ITGB2: variants seen among roughly 807,000 people sequenced by gnomAD.
ITGB2 encodes the protein integrin subunit beta 2.
A neutral mutation model predicts 86.8 loss-of-function variants in ITGB2; 56 were observed. That is an observed-to-expected ratio of 0.65 (90% CI 0.52 to 0.81). ITGB2 has a LOEUF of 0.81. Among genes scored for constraint, ITGB2 ranks in the 30% least tolerant of loss-of-function variants. The pLI, the probability that ITGB2 is intolerant of heterozygous loss-of-function variation, is 0.00. For synonymous variants in ITGB2, 457 were observed against 450.4 expected (o/e 1.01, Z -0.19); for missense variants, 948 against 1,061.2 (o/e 0.89, Z 1.48).
chr21:44,917,617 G>A (rs2084230888), intron 1 of ITGB2, among the ~76,000 whole-genome samples: 1 of 152,110 alleles, frequency 6.6e-6, no homozygotes, highest in Non-Finnish European at 1.5e-5. Flanking sequence ...ACCCATCCAT[G>A]GGACAGGGGC....
intron 11 of ITGB2, among the ~76,000 whole-genome samples, chr21:44,890,920 G>A (rs991750720): frequency 6.6e-5 from 10 of 151,902 alleles, no homozygotes; most frequent in East Asian, 3.9e-4. Context: ...GACAGTGGGC[G>A]GGGTGGCCAC....
chr21:44,918,825 T>A (rs538353437), intron 1 of ITGB2, among the ~76,000 whole-genome samples: 2 of 152,260 alleles, frequency 1.3e-5, no homozygotes, highest in African/African-American at 4.8e-5. Flanking sequence ...CTGGGCAGTG[T>A]TTGGATCTCA....
rs137959302 is a variant in ITGB2, at chr21:44,900,364, G to T, written c.853C>A (p.Arg285Ser). ...LGAILTPNDG[R>S]CHLEDNLYKR... ...TACAAGTTGTCCTCCAGGTGACAGC[G>T]GCCGTCGTTGGGGGTCAGGATGGCG... is the stretch of plus-strand genomic sequence containing the variant. The change falls in exon 7 of 16, where the codon CGC (arginine) becomes AGC (serine). Residue 285 changes from arginine to serine, a missense_variant. Physicochemically the swap from Arg to Ser is moderately radical, Grantham distance 110. Coordinates refer to ENST00000652462, the MANE Select transcript of ITGB2 (RefSeq NM_000211.5). The T allele has an allele frequency of 1.2e-6, 2 of 1,614,172 alleles. No homozygotes were observed. The highest frequency in any genetic ancestry group is 2.2e-5 in the South Asian group (2 of 91,088).
At chr21:44,910,812 G>T (rs549496897) in intron 1 of ITGB2, 27 bp from the exon 2 acceptor site, 1 of 1,608,028 alleles carries the variant, frequency 6.2e-7, no homozygotes, top group Non-Finnish European at 8.5e-7. Flanking sequence ...TCTTGGTGAC[G>T]GTCTCAGGCC....
At chr21:44,914,917 A>G (rs1202808317) in intron 1 of ITGB2, among the ~76,000 whole-genome samples, 1 of 150,656 alleles carries the variant, frequency 6.6e-6, no homozygotes, top group African/African-American at 2.4e-5. Context: ...TAGTTGACAG[A>G]ACGAGGCCCT....
chr21:44,910,168 AC>A (rs558889473), intron 3 of ITGB2, 115 bp downstream of exon 3: 4 of 1,373,266 alleles, frequency 2.9e-6, no homozygotes, highest in African/African-American at 2.9e-5. Flanking sequence ...GGGTCTGGGG[AC>A]CCCCTCAAAA....
chr21:44,908,924 G>A (rs1158412316), intron 3 of ITGB2, among the ~76,000 whole-genome samples: 2 of 152,210 alleles, frequency 1.3e-5, no homozygotes, highest in East Asian at 1.9e-4. Flanking sequence ...TGAGCAACTC[G>A]GGGAAGAAAG....
intron 8 of ITGB2, among the ~76,000 whole-genome samples, chr21:44,895,935 T>G: frequency 6.6e-6 from 1 of 151,480 alleles, no homozygotes; most frequent in Non-Finnish European, 1.5e-5. Context: ...TACTGTTGCA[T>G]CATGAGGATA....
At chr21:44,909,379 C>T (rs1027522106) in intron 3 of ITGB2, 8 of 152,338 alleles carry the variant, frequency 5.3e-5, no homozygotes, top group African/African-American at 1.4e-4. Context: ...GGTCATGCTA[C>T]AAAGCTGCTC....
upstream of ITGB2, among the ~76,000 whole-genome samples, chr21:44,923,658 A>G (rs550613426): frequency 3.0e-4 from 45 of 152,376 alleles, no homozygotes; most frequent in African/African-American, 1.0e-3. Context: ...TTTCGCGGGT[A>G]TAAAGTTCCC....
In ITGB2 at chr21:44,895,803, GC is replaced by G. The variant is rs543152665; in HGVS notation, c.994-744del. Among the ~76,000 whole-genome samples, 177 of 151,168 alleles carry G rather than the reference GC, an allele frequency of 1.2e-3. 1 individual carries two copies. Among genetic ancestry groups the G allele is most frequent in the African/African-American group, 4.0e-3 (163 of 41,050 alleles). ...GCTGAGATCACACCATGGCACTCCAGCCTGGGCAACAAGAGCAAAACTCTGT... is the reference window on the plus strand; with the variant it reads ...GCTGAGATCACACCATGGCACTCCAGCTGGGCAACAAGAGCAAAACTCTGT... On this transcript the variant is annotated intron_variant, in intron 8 of 15. Coordinates refer to ENST00000652462, the MANE Select transcript of ITGB2 (RefSeq NM_000211.5).
intron 6 of ITGB2, 82 bp from the exon 7 acceptor site, chr21:44,900,557 G>C: frequency 6.4e-7 from 1 of 1,559,762 alleles, no homozygotes; most frequent in Non-Finnish European, 8.8e-7. Context: ...ACGATGCAGA[G>C]CTGGTGGGGT....
In ITGB2 at chr21:44,901,121, G is replaced by A. The variant is rs183408386; in HGVS notation, c.741+371C>T. On this transcript the variant is annotated intron_variant, in intron 6 of 15. Coordinates refer to ENST00000652462, the MANE Select transcript of ITGB2 (RefSeq NM_000211.5). ...GAGCGACACACACTGGGCAGCCAGCGCCCACCCGGCCTGGAGGGAGGAGGG... is the reference window on the plus strand; with the variant it reads ...GAGCGACACACACTGGGCAGCCAGCACCCACCCGGCCTGGAGGGAGGAGGG... 1.5e-4 allele frequency among the ~76,000 whole-genome samples: 23 copies of A among 152,286 alleles called. No homozygotes were observed. The East Asian group carries it at 1.7e-3, about 12-fold the overall frequency.
intron 8 of ITGB2, among the ~76,000 whole-genome samples, chr21:44,896,252 A>C (rs541790689): frequency 6.6e-6 from 1 of 152,320 alleles, no homozygotes; most frequent in Admixed American, 6.5e-5. Flanking sequence ...GGGAATTCCT[A>C]CCACCACACA....
rs761463928 is a variant in ITGB2, at chr21:44,899,100, G to A, written c.960C>T (p.Phe320=). The A allele has an allele frequency of 5.6e-6, 9 of 1,614,058 alleles. No individual in the cohort carries two copies. Among genetic ancestry groups the A allele is most frequent in the African/African-American group, 1.3e-5 (1 of 74,932 alleles). The change falls in exon 8 of 16, where the codon TTC becomes TTT. Residue 320 remains phenylalanine (F), a synonymous_variant. Coordinates refer to ENST00000652462, the MANE Select transcript of ITGB2 (RefSeq NM_000211.5). ...KLAENNIQPI[F]AVTSRMVKTY... The stretch of plus-strand genomic sequence containing the variant: ...TCTTCACCATCCTACTGGTCACCGC[G>A]AAGATGGGCTGGATGTTGTTTTCAG...
At position 44,903,254 on chromosome 21, in the gene ITGB2, C is replaced by T. The variant is rs936104399; in HGVS notation, c.499+111G>A. On this transcript the variant is annotated intron_variant, in intron 5 of 15. Coordinates refer to ENST00000652462, the MANE Select transcript of ITGB2 (RefSeq NM_000211.5). Reference sequence around the variant, plus strand: ...GCCCTGGGGGGACCTGCATCTGGGGCCCCCAGATCTACCCTGGGGACCTGA... The same window carrying T: ...GCCCTGGGGGGACCTGCATCTGGGGTCCCCAGATCTACCCTGGGGACCTGA... 73 of 1,358,644 alleles carry T rather than the reference C, an allele frequency of 5.4e-5. No homozygotes were observed. In the Middle Eastern group the frequency reaches 6.7e-4, roughly 13 times the overall value. The allele number at this position is 1,358,644 out of a possible 1,614,324, so 84.2% of individuals were successfully genotyped here. A position where few individuals can be genotyped will look rare whatever the true frequency, so the allele number is the denominator to read the frequency against.
In ITGB2 at chr21:44,903,511, G is replaced by T. The variant is rs758449686; in HGVS notation, c.353C>A (p.Thr118Asn). The change falls in exon 5 of 16, where the codon ACC (threonine) becomes AAC (asparagine). Residue 118 changes from threonine (T) to asparagine (N), a missense_variant. Physicochemically the swap from Thr to Asn is moderately conservative, Grantham distance 65. Coordinates refer to ENST00000652462, the MANE Select transcript of ITGB2 (RefSeq NM_000211.5). ...RPGQAAAFNV[T>N]FRRAKGYPID... ...GGGGTAGCCCTTGGCCCGCCGGAAG[G>T]TCACGTTGAACGCTGCTGCCTGGCC... The T allele has an allele frequency of 2.7e-5, 44 of 1,613,990 alleles. No homozygotes were observed. Among genetic ancestry groups the T allele is most frequent in the Non-Finnish European group, 3.6e-5 (42 of 1,179,988 alleles).
intron 4 of ITGB2, among the ~76,000 whole-genome samples, chr21:44,906,631 G>A (rs2084045873): frequency 6.6e-6 from 1 of 152,022 alleles, no homozygotes; most frequent in Admixed American, 6.6e-5. Flanking sequence ...AAATGGTTTG[G>A]TCTCCCTTTA....
chr21:44,908,712 C>T (rs144217038), intron 3 of ITGB2, among the ~76,000 whole-genome samples: 74 of 152,324 alleles, frequency 4.9e-4, no homozygotes, highest in African/African-American at 1.6e-3. Context: ...ATTCTGTCTG[C>T]GGCTTGTCCG....
Sources: gnomAD v4.1 joint callset for allele counts (sites outside exome capture counted in the v4.1 genomes callset) on GRCh38, gnomAD v4.1.1 for gene constraint, MANE v1.5 for transcripts, NCBI Gene and HGNC (gene_info 2026-07-23, HGNC 2026-07-21) for gene names.